TUBAL3: variants seen among roughly 807,000 people sequenced by gnomAD.
TUBAL3 encodes tubulin alpha like 3, also known as tubulin alpha chain-like 3.
Under a neutral mutation model 15.5 loss-of-function variants are expected in TUBAL3, and 16 were observed. The observed-to-expected ratio is 1.04, with a 90% CI of 0.70 to 1.57. The LOEUF is 1.57. TUBAL3 is among the 40% of genes most tolerant of loss of function. The pLI, the probability that TUBAL3 is intolerant of heterozygous loss-of-function variation, is 0.00. For synonymous variants in TUBAL3, 238 were observed against 224.3 expected (o/e 1.06, Z -0.55); for missense variants, 609 against 576.2 (o/e 1.06, Z -0.58).
rs1264343464 is a variant in TUBAL3 at position 5,395,792 on chromosome 10, A to G, written c.248-317T>C. On this transcript the variant is annotated intron_variant, in intron 2 of 3. Transcript: ENST00000380419. The surrounding 1 kb of genome is among the most constrained non-coding windows in gnomAD (Gnocchi z 4.6). ...TTTCCTAACAGCTCCAGAGGCTGGA[A>G]GTCTAACATCAAGGCGTTGGTAGGC... is the stretch of plus-strand genomic sequence containing the variant. 3.9e-5 allele frequency among the ~76,000 whole-genome samples: 6 copies of G among 152,186 alleles called. No homozygotes were observed. Among genetic ancestry groups the G allele is most frequent in the Non-Finnish European group, 8.8e-5 (6 of 68,026 alleles).
chr10:5,401,078 G>T lies in TUBAL3; in HGVS notation c.13C>A (p.Leu5Ile). The change falls in exon 2 of 4, where the codon CTT becomes ATT. Residue 5 changes from leucine to isoleucine, a missense_variant. Physicochemically the swap from Leu to Ile is conservative, Grantham distance 5 (BLOSUM62 2). Transcript: ENST00000380419. MREC[L>I]SIHIGQAGIQ... The stretch of plus-strand genomic sequence containing the variant: ...CCAGCTTGACCGATGTGGATGGAAA[G>T]GCACTCCCTCTAAAATAAGTCATGG... 6.2e-7 allele frequency: 1 copy of T among 1,614,102 alleles called. No individual in the cohort carries two copies.
Position 5,394,282 on chromosome 10 carries a change from A to T in TUBAL3, c.576T>A (p.Tyr192Ter). ...TGGAGTGGGTGGTGAGGACAGAGTTATAAGGCTCTACCACAGCAGTGGAGA... is the reference window on the plus strand; with the variant it reads ...TGGAGTGGGTGGTGAGGACAGAGTTTTAAGGCTCTACCACAGCAGTGGAGA... ...PRISTAVVEPYNSVLTTHSTT... is the reference protein window; with the variant it reads ...PRISTAVVEP The change falls in exon 4 of 4, where the codon TAT becomes TAA. Residue 192 changes from tyrosine to a stop codon, truncating the protein, a stop_gained. Transcript: ENST00000380419. LOFTEE classifies it low-confidence loss of function (END_TRUNC). This position sits in a 1 kb window ranked among gnomAD's most constrained non-coding sequence, Gnocchi z 4.3. 1 of 1,614,168 alleles carries T rather than the reference A, an allele frequency of 6.2e-7. No individual in the cohort carries two copies. Among genetic ancestry groups the T allele is most frequent in the African/African-American group, 1.3e-5 (1 of 75,026 alleles).
chr10:5,394,259 G>C lies in TUBAL3; in HGVS notation c.599C>G (p.Ser200Cys). Residue 200 changes from serine to cysteine, a missense_variant, in exon 4 of 4, where the codon TCC (serine) becomes TGC (cysteine). Ser to Cys is a moderately radical substitution (Grantham distance 112, BLOSUM62 -1). Coordinates refer to ENST00000380419, the MANE Select transcript of TUBAL3 (RefSeq NM_024803.3). This position sits in a 1 kb window ranked among gnomAD's most constrained non-coding sequence, Gnocchi z 4.3. ...EPYNSVLTTH[S>C]TTEHTDCTFM... ...GGTACAGTCCGTGTGCTCTGTGGTG[G>C]AGTGGGTGGTGAGGACAGAGTTATA... 1 of 1,614,186 alleles carries C rather than the reference G, an allele frequency of 6.2e-7. No individual in the cohort carries two copies.
intron 2 of TUBAL3, among the ~76,000 whole-genome samples, chr10:5,399,312 A>G (rs1341524510): frequency 2.6e-5 from 4 of 152,206 alleles, no homozygotes; most frequent in African/African-American, 9.7e-5. Context: ...ATGTGATGGT[A>G]TCTGGAGGTG....
chr10:5,398,436 A>T (rs1236519024), intron 2 of TUBAL3, among the ~76,000 whole-genome samples: 2 of 151,294 alleles, frequency 1.3e-5, no homozygotes, highest in Non-Finnish European at 3.0e-5. Flanking sequence ...AAAAAAAAAA[A>T]AAAAAAAAAA....
intron 1 of TUBAL3, 63 bp from the exon 2 acceptor site, chr10:5,401,150 C>T (rs781967454): frequency 7.6e-6 from 12 of 1,588,072 alleles, no homozygotes; most frequent in Admixed American, 5.1e-5. Context: ...ATCTGTTACT[C>T]AGCCCTTCTG....
At chr10:5,401,976 G>A (rs962270199) in intron 1 of TUBAL3, among the ~76,000 whole-genome samples, 3 of 151,384 alleles carry the variant, frequency 2.0e-5, no homozygotes, top group South Asian at 2.1e-4. Flanking sequence ...ACCCTTAAAC[G>A]TTTTCCCAAA....
At position 5,393,244 on chromosome 10, in the gene TUBAL3, C is replaced by CA. The variant is rs1222990445; in HGVS notation, c.*272dup. 8 of 346,188 alleles carry CA rather than the reference C, an allele frequency of 2.3e-5. No homozygotes were observed. The highest frequency in any genetic ancestry group is 9.0e-5 in the East Asian group (2 of 22,108). The allele number at this position is 346,188 out of a possible 1,614,324, so 21.4% of individuals were successfully genotyped here. A position where few individuals can be genotyped will look rare whatever the true frequency, so the allele number is the denominator to read the frequency against. On this transcript the variant is annotated 3_prime_UTR_variant, in exon 4 of 4. Transcript: ENST00000380419. The stretch of plus-strand genomic sequence containing the variant: ...AGGATTTCATTGTCTCTTGGTAAAA[C>CA]AAAAAAATCCCACCTAGAAGTGACT...
At position 5,393,529 on chromosome 10, in the gene TUBAL3, C is replaced by T. The variant is rs147934982; in HGVS notation, c.1329G>A (p.Ala443=). The change falls in exon 4 of 4, where the codon GCG becomes GCA. Residue 443 remains alanine, a synonymous_variant. Transcript: ENST00000380419. ...CATCATACATGCCTCAGAAACTTTG[C>T]GCCACTTCCTCATAGTCCCTCTCCA... The part of the protein sequence containing the change: ...AALERDYEEV[A]QSF The T allele has an allele frequency of 5.4e-5, 86 of 1,601,858 alleles. No individual in the cohort carries two copies. Among genetic ancestry groups the T allele is most frequent in the South Asian group, 2.4e-4 (21 of 88,928 alleles).
chr10:5,393,392 A>T lies in TUBAL3; in HGVS notation c.*125T>A. 1.3e-6 allele frequency: 1 copy of T among 772,356 alleles called. No individual in the cohort carries two copies. The highest frequency in any genetic ancestry group is 2.6e-5 in the East Asian group (1 of 37,974). The allele number at this position is 772,356 out of a possible 1,614,324, so 47.8% of individuals were successfully genotyped here. ...ACCCACTTAATTTAGTGTGGAACCT[A>T]GAGTCTTGCCTGATTTGAGTTCATT... On this transcript the variant is annotated 3_prime_UTR_variant, in exon 4 of 4. Transcript: ENST00000380419.
At position 5,393,919 on chromosome 10, in the gene TUBAL3, A is replaced by C; in HGVS notation, c.939T>G (p.Asp313Glu). 6.2e-7 allele frequency: 1 copy of C among 1,614,206 alleles called. No homozygotes were observed. Among genetic ancestry groups the C allele is most frequent in the South Asian group, 1.1e-5 (1 of 91,078 alleles). ...AGGCCATGTACTTCCCAAGCCGAGG[A>C]TCACACTTGACCAGCTGGTTGGAGG... Reference protein sequence around the residue: ...FESSNQLVKCDPRLGKYMACC... With the variant: ...FESSNQLVKCEPRLGKYMACC... Residue 313 changes from aspartate (D) to glutamate (E), a missense_variant, in exon 4 of 4, where the codon GAT (aspartate) becomes GAG (glutamate). By Grantham distance (45) the Asp-to-Glu change is conservative. Transcript: ENST00000380419.
intron 2 of TUBAL3, among the ~76,000 whole-genome samples, chr10:5,399,681 A>C (rs1554814468): frequency 6.6e-6 from 1 of 152,154 alleles, no homozygotes; most frequent in Non-Finnish European, 1.5e-5. Flanking sequence ...GTTGTATTCA[A>C]TTCCTTCTTA....
chr10:5,401,527 A>G (rs1831851299), intron 1 of TUBAL3, among the ~76,000 whole-genome samples: 1 of 152,152 alleles, frequency 6.6e-6, no homozygotes, highest in African/African-American at 2.4e-5. Flanking sequence ...AATAAAACTA[A>G]AATCAATATA....
Position 5,393,393 on chromosome 10 carries a change from G to A in TUBAL3, c.*124C>T. 2 of 778,700 alleles carry A rather than the reference G, an allele frequency of 2.6e-6. No individual in the cohort carries two copies. Among genetic ancestry groups the A allele is most frequent in the East Asian group, 2.6e-5 (1 of 38,054 alleles). The allele number at this position is 778,700 out of a possible 1,614,324, so 48.2% of individuals were successfully genotyped here. A position where few individuals can be genotyped will look rare whatever the true frequency, so the allele number is the denominator to read the frequency against. On this transcript the variant is annotated 3_prime_UTR_variant, in exon 4 of 4. Transcript: ENST00000380419. ...CCCACTTAATTTAGTGTGGAACCTAGAGTCTTGCCTGATTTGAGTTCATTT... is the reference window on the plus strand; with the variant it reads ...CCCACTTAATTTAGTGTGGAACCTAAAGTCTTGCCTGATTTGAGTTCATTT...
intron 1 of TUBAL3, 150 bp from the exon 2 acceptor site, chr10:5,401,237 G>C: frequency 1.0e-6 from 1 of 954,732 alleles, no homozygotes; most frequent in Non-Finnish European, 1.5e-6. Flanking sequence ...GCGTTTCATG[G>C]AAACCAAGAC....
chr10:5,400,909 CAGA>C lies in TUBAL3; in HGVS notation c.179_181del (p.Phe60del). The C allele has an allele frequency of 6.2e-7, 1 of 1,614,212 alleles. No individual in the cohort carries two copies. The highest frequency in any genetic ancestry group is 8.5e-7 in the Non-Finnish European group (1 of 1,180,042). On this transcript the variant is annotated inframe_deletion, in exon 2 of 4. Coordinates refer to ENST00000380419, the MANE Select transcript of TUBAL3 (RefSeq NM_024803.3). ...CACATGCTTCCCAGCTCTTGTCTCA[CAGA>C]AGAAGGTATCGAAAGATGCATTTGT...
rs1554813750 is a variant in TUBAL3 at position 5,393,753 on chromosome 10, C to A, written c.1105G>T (p.Val369Leu). 6.2e-7 allele frequency: 1 copy of A among 1,614,242 alleles called. No individual in the cohort carries two copies. Among genetic ancestry groups the A allele is most frequent in the East Asian group, 2.2e-5 (1 of 44,886 alleles). The change falls in exon 4 of 4, where the codon GTG (valine) becomes TTG (leucine). Residue 369 changes from valine (V) to leucine (L), a missense_variant. Transcript: ENST00000380419. Reference protein sequence around the residue: ...KVGINNRPPTVMPGGDLAKVH... With the variant: ...KVGINNRPPTLMPGGDLAKVH... ...TTGGCCAGGTCCCCACCCGGCATCACCGTGGGCGGCCGATTGTTGATGCCC... is the reference window on the plus strand; with the variant it reads ...TTGGCCAGGTCCCCACCCGGCATCAACGTGGGCGGCCGATTGTTGATGCCC...
Position 5,398,359 on chromosome 10 carries a change from G to C in TUBAL3, c.247+2485C>G, listed in dbSNP as rs1268027028. Among the ~76,000 whole-genome samples, 5 of 147,268 alleles carry C rather than the reference G, an allele frequency of 3.4e-5. No homozygotes were observed. In the East Asian group the frequency reaches 1.0e-3, roughly 30 times the overall value. ...TGCTTGAACCCGGGAGGCACAGGTT[G>C]CAGTGAGCAGCGATAGTGCCATTGA... On this transcript the variant is annotated intron_variant, in intron 2 of 3. Coordinates refer to ENST00000380419, the MANE Select transcript of TUBAL3 (RefSeq NM_024803.3).
Position 5,393,820 on chromosome 10 carries a change from G to A in TUBAL3, c.1038C>T (p.His346=). The change falls in exon 4 of 4, where the codon CAC becomes CAT. Residue 346 remains histidine (H), a synonymous_variant. Coordinates refer to ENST00000380419, the MANE Select transcript of TUBAL3 (RefSeq NM_024803.3). ...GACACCAATCTACAAACTGAACAGAGTGCCTCGACTTCGTGGCTGCGATTG... is the reference window on the plus strand; with the variant it reads ...GACACCAATCTACAAACTGAACAGAATGCCTCGACTTCGTGGCTGCGATTG... ...NAAIAATKSR[H]SVQFVDWCPT... 1 of 1,614,206 alleles carries A rather than the reference G, an allele frequency of 6.2e-7. No individual in the cohort carries two copies. Among genetic ancestry groups the A allele is most frequent in the Middle Eastern group, 1.6e-4 (1 of 6,062 alleles).
Sources: allele counts gnomAD v4.1 joint callset (sites outside exome capture counted in the v4.1 genomes callset), GRCh38; gene constraint gnomAD v4.1.1; non-coding constraint Gnocchi (gnomAD v3.1); transcripts MANE v1.5; gene names NCBI Gene and HGNC (gene_info 2026-07-23, HGNC 2026-07-21).